The following GPC5 variants were observed in gnomAD, a reference collection of about 807,000 sequenced individuals.
GPC5 encodes glypican-5.
GPC5 carries 47 observed loss-of-function variants against 53.9 expected under a neutral mutation model. That is an observed-to-expected ratio of 0.87 (90% confidence interval 0.69 to 1.11). The LOEUF (loss-of-function observed/expected upper bound fraction) is 1.11. Among genes scored for constraint, GPC5 ranks in the 50% most tolerant of loss-of-function variants. GPC5 has a pLI of 0.00. For missense variants in GPC5, 748 were observed against 713.1 expected (o/e 1.05, Z -0.56); for synonymous variants, 286 against 263.3 (o/e 1.09, Z -0.84).
chr13:92,429,892 T>C (rs2139372664), intron 7 of GPC5, among the ~76,000 whole-genome samples: 1 of 152,196 alleles, frequency 6.6e-6, no homozygotes, highest in African/African-American at 2.4e-5. Context: ...GATGAACAAA[T>C]TCAAGAGATC....
chr13:92,136,891 C>T (rs2041788471), intron 6 of GPC5, among the ~76,000 whole-genome samples: 1 of 152,184 alleles, frequency 6.6e-6, no homozygotes, highest in African/African-American at 2.4e-5. Flanking sequence ...GCTTAAGAGT[C>T]ATCAGATATT....
At chr13:91,489,294 A>G (rs1308498373) in intron 2 of GPC5, among the ~76,000 whole-genome samples, 4 of 152,184 alleles carry the variant, frequency 2.6e-5, no homozygotes, top group Non-Finnish European at 5.9e-5. Flanking sequence ...CTTGTGGAGC[A>G]TGACGGAACC....
rs1225022847 is a variant in GPC5, at chr13:92,607,464, G to A, written c.1562-258818G>A. Among the ~76,000 whole-genome samples, 4 of 150,820 alleles carry A rather than the reference G, an allele frequency of 2.7e-5. No individual in the cohort carries two copies. The East Asian group carries it at 7.8e-4, about 29-fold the overall frequency. On this transcript the variant is annotated intron_variant, in intron 7 of 7. Coordinates refer to ENST00000377067, the MANE Select transcript of GPC5 (RefSeq NM_004466.6). ...TAGTCTCCCTAAGAGAATGGAAAAC[G>A]ACAGAAAAAAAAAATTTCAATCTCA...
At chr13:92,693,047 GCT>G (rs907075631) in intron 7 of GPC5, among the ~76,000 whole-genome samples, 3 of 151,940 alleles carry the variant, frequency 2.0e-5, no homozygotes, top group Admixed American at 1.3e-4. Context: ...GCAGTTCCTA[GCT>G]CTCTCTCTGT....
intron 7 of GPC5, among the ~76,000 whole-genome samples, chr13:92,771,373 C>T (rs7327371): frequency 0.032 from 4,856 of 152,158 alleles, 332 homozygotes; most frequent in East Asian, 0.28. Context: ...GACAGAGTCT[C>T]GCTCTGTCGC....
At chr13:91,920,335 A>G (rs2039698933) in intron 6 of GPC5, among the ~76,000 whole-genome samples, 1 of 152,190 alleles carries the variant, frequency 6.6e-6, no homozygotes, top group African/African-American at 2.4e-5. Context: ...GGTAAAATCA[A>G]AGACATATTA....
intron 7 of GPC5, among the ~76,000 whole-genome samples, chr13:92,346,397 G>C (rs1465082813): frequency 6.6e-6 from 1 of 152,150 alleles, no homozygotes; most frequent in Non-Finnish European, 1.5e-5. Flanking sequence ...GCAGAATCTT[G>C]CCAGCAATTC....
chr13:92,704,098 C>T (rs537803950), intron 7 of GPC5, among the ~76,000 whole-genome samples: 135 of 152,130 alleles, frequency 8.9e-4, no homozygotes, highest in African/African-American at 3.2e-3. Flanking sequence ...AGTCATTTCT[C>T]TCATTGGCGT....
intron 6 of GPC5, among the ~76,000 whole-genome samples, chr13:92,102,176 C>A (rs1469311339): frequency 6.6e-6 from 1 of 151,398 alleles, no homozygotes; most frequent in African/African-American, 2.4e-5. Context: ...TTCTTTGGAA[C>A]AGAGAGGGAG....
chr13:91,741,023 G>A (rs1337501628), intron 4 of GPC5, among the ~76,000 whole-genome samples: 1 of 152,092 alleles, frequency 6.6e-6, no homozygotes, highest in Non-Finnish European at 1.5e-5. Context: ...AATTAGCCAG[G>A]CCTCTCATTT....
intron 6 of GPC5, among the ~76,000 whole-genome samples, chr13:92,126,278 T>C (rs905171392): frequency 6.6e-6 from 1 of 152,076 alleles, no homozygotes; most frequent in African/African-American, 2.4e-5. Context: ...AAATATAAAG[T>C]CAATAGTTTA....
At chr13:92,462,890 A>G (rs1405660422) in intron 7 of GPC5, among the ~76,000 whole-genome samples, 2 of 151,772 alleles carry the variant, frequency 1.3e-5, no homozygotes, top group Non-Finnish European at 2.9e-5. Context: ...CTAATTTTGT[A>G]TTTTTAGTAG....
chr13:91,980,813 T>C (rs2040350532), intron 6 of GPC5, among the ~76,000 whole-genome samples: 1 of 152,236 alleles, frequency 6.6e-6, no homozygotes, highest in African/African-American at 2.4e-5. Flanking sequence ...TCTAAGACTA[T>C]AGGTTAGTTC....
At chr13:92,023,831 T>G (rs1330800111) in intron 6 of GPC5, among the ~76,000 whole-genome samples, 1 of 152,128 alleles carries the variant, frequency 6.6e-6, no homozygotes, top group Admixed American at 6.6e-5. Context: ...ATGGAGCCTT[T>G]CAAAATTATT....
chr13:92,269,653 G>A (rs866249581), intron 7 of GPC5, among the ~76,000 whole-genome samples: 27 of 152,132 alleles, frequency 1.8e-4, no homozygotes, highest in Non-Finnish European at 3.2e-4. Flanking sequence ...TGATCTGCCC[G>A]CCTCAGCCTC....
intron 6 of GPC5, among the ~76,000 whole-genome samples, chr13:92,092,171 A>G (rs968723392): frequency 3.3e-5 from 5 of 152,188 alleles, no homozygotes; most frequent in African/African-American, 1.2e-4. Context: ...GCAGCCAACA[A>G]TGAAAATGAA....
intron 7 of GPC5, among the ~76,000 whole-genome samples, chr13:92,444,315 T>C (rs965074834): frequency 1.3e-5 from 2 of 152,116 alleles, no homozygotes; most frequent in South Asian, 4.1e-4. Context: ...GTCAGTTTGA[T>C]GTGAGAAGCA....
At chr13:91,875,557 A>AT (rs1043901955) in intron 5 of GPC5, among the ~76,000 whole-genome samples, 6 of 151,946 alleles carry the variant, frequency 3.9e-5, no homozygotes, top group African/African-American at 1.5e-4. Context: ...GTTATTGAAC[A>AT]TTTTTTTCCT....
chr13:92,604,492 A>G (rs1465807726), intron 7 of GPC5, among the ~76,000 whole-genome samples: 1 of 152,204 alleles, frequency 6.6e-6, no homozygotes, highest in Non-Finnish European at 1.5e-5. Flanking sequence ...GGCACCTAGA[A>G]CTTTCTAAAT....
Sources: gnomAD v4.1 joint callset for allele counts (sites outside exome capture counted in the v4.1 genomes callset) on GRCh38, gnomAD v4.1.1 for gene constraint, MANE v1.5 for transcripts, NCBI Gene and HGNC (gene_info 2026-07-23, HGNC 2026-07-21) for gene names.